Variants in THRB observed in about 807,000 individuals in gnomAD.
THRB encodes the protein nuclear receptor subfamily 1 group A member 2.
THRB carries 12 observed loss-of-function variants against 47.8 expected under a neutral mutation model. The observed-to-expected ratio is 0.25, with a 90% CI of 0.16 to 0.41. THRB has a LOEUF of 0.41. THRB is among the 10% of genes least tolerant of loss of function. The pLI, the probability that THRB is intolerant of heterozygous loss-of-function variation, is 1.00. For missense variants in THRB, 348 were observed against 589.2 expected (o/e 0.59, Z 4.24); for synonymous variants, 218 against 212.2 (o/e 1.03, Z -0.24).
chr3:24,227,680 T>A (rs1468822714), intron 4 of THRB, among the ~76,000 whole-genome samples: 2 of 152,310 alleles, frequency 1.3e-5, no homozygotes, highest in East Asian at 3.9e-4. Context: ...GTGGCAACTT[T>A]CAGTTGCTTC....
At chr3:24,331,685 G>A (rs939339382) in intron 2 of THRB, among the ~76,000 whole-genome samples, 4 of 151,796 alleles carry the variant, frequency 2.6e-5, no homozygotes, top group Non-Finnish European at 1.5e-5. Flanking sequence ...TGTATGGTGT[G>A]TGTGTGTGTG....
In THRB at chr3:24,122,795, C is replaced by T; in HGVS notation, c.*89G>A. The T allele has an allele frequency of 6.3e-7, 1 of 1,588,928 alleles. No homozygotes were observed. Among genetic ancestry groups the T allele is most frequent in the Non-Finnish European group, 8.6e-7 (1 of 1,158,194 alleles). ...TTCCCTCCCAAATAATCCCTCCCAA[C>T]ACAAAGAAACAAACAAAAAAGAGCT... On this transcript the variant is annotated 3_prime_UTR_variant, in exon 11 of 11. Coordinates refer to ENST00000646209, the MANE Select transcript of THRB (RefSeq NM_001354712.2).
chr3:24,327,687 G>A (rs947963239), intron 2 of THRB, among the ~76,000 whole-genome samples: 6 of 152,178 alleles, frequency 3.9e-5, no homozygotes, highest in Non-Finnish European at 8.8e-5. Context: ...TATGTGAAAA[G>A]GTGAAAGATG....
intron 1 of THRB, among the ~76,000 whole-genome samples, chr3:24,352,771 A>G (rs1274633782): frequency 6.6e-6 from 1 of 152,172 alleles, no homozygotes; most frequent in Non-Finnish European, 1.5e-5. Context: ...TCCATAGAAA[A>G]AGACTTGGAA....
At chr3:24,403,681 C>T (rs753923827) in intron 1 of THRB, among the ~76,000 whole-genome samples, 1 of 151,890 alleles carries the variant, frequency 6.6e-6, no homozygotes, top group Non-Finnish European at 1.5e-5. Context: ...TAAAAATGTC[C>T]TTGATTAAAC....
chr3:24,465,047 C>A (rs1414829957), intron 1 of THRB, among the ~76,000 whole-genome samples: 2 of 151,632 alleles, frequency 1.3e-5, no homozygotes, highest in Non-Finnish European at 2.9e-5. Flanking sequence ...TTTTTTCCTG[C>A]AACCTACACC....
intron 1 of THRB, among the ~76,000 whole-genome samples, chr3:24,416,072 A>G (rs2068707747): frequency 6.6e-6 from 1 of 151,906 alleles, no homozygotes; most frequent in Non-Finnish European, 1.5e-5. Flanking sequence ...TATATTCAAG[A>G]GTGCAATTGT....
chr3:24,441,671 G>A (rs527528032), intron 1 of THRB, among the ~76,000 whole-genome samples: 3 of 151,532 alleles, frequency 2.0e-5, no homozygotes, highest in East Asian at 2.0e-4. Flanking sequence ...TACCCATCCC[G>A]CTTGCCTACA....
chr3:24,281,516 A>G (rs947094196), intron 3 of THRB, among the ~76,000 whole-genome samples: 1 of 151,924 alleles, frequency 6.6e-6, no homozygotes, highest in Non-Finnish European at 1.5e-5. Context: ...CTAGGAGGAA[A>G]CCGCATCAAC....
intron 10 of THRB, among the ~76,000 whole-genome samples, chr3:24,126,701 T>C (rs1398259375): frequency 6.6e-6 from 1 of 152,208 alleles, no homozygotes; most frequent in Non-Finnish European, 1.5e-5. Flanking sequence ...CTATTTAAAA[T>C]TATCTTCCCT....
At chr3:24,238,611 G>C (rs564589653) in intron 3 of THRB, among the ~76,000 whole-genome samples, 6 of 152,226 alleles carry the variant, frequency 3.9e-5, no homozygotes, top group African/African-American at 1.4e-4. Flanking sequence ...CCCCTTGATA[G>C]TATCATCTGA....
intron 4 of THRB, among the ~76,000 whole-genome samples, chr3:24,228,632 CAAAGAAAA>C (rs2047929096): frequency 1.7e-5 from 1 of 59,196 alleles, no homozygotes; most frequent in Non-Finnish European, 3.3e-5. Context: ...GACCATGTCT[CAAAGAAAA>C]AAAAAAAAAA....
chr3:24,475,852 T>C (rs1274315898), intron 1 of THRB, among the ~76,000 whole-genome samples: 4 of 152,212 alleles, frequency 2.6e-5, no homozygotes, highest in African/African-American at 9.6e-5. Flanking sequence ...AAAGAAAACA[T>C]GTTTACAGTT....
intron 1 of THRB, among the ~76,000 whole-genome samples, chr3:24,493,101 T>C (rs1319467619): frequency 6.6e-6 from 1 of 152,182 alleles, no homozygotes; most frequent in African/African-American, 2.4e-5. Context: ...ACTGGATTTC[T>C]GTTTGACTCA....
At chr3:24,248,514 T>C (rs1464985582) in intron 3 of THRB, among the ~76,000 whole-genome samples, 4 of 152,160 alleles carry the variant, frequency 2.6e-5, no homozygotes, top group Admixed American at 6.5e-5. Context: ...GCCCCTCAGC[T>C]CCAGATCCAC....
At chr3:24,215,625 G>A (rs2046480614) in intron 4 of THRB, among the ~76,000 whole-genome samples, 1 of 152,168 alleles carries the variant, frequency 6.6e-6, no homozygotes, top group African/African-American at 2.4e-5. Context: ...TTAGGCATTT[G>A]TATAGCCCTT....
intron 5 of THRB, among the ~76,000 whole-genome samples, chr3:24,180,208 A>G (rs1470011008): frequency 6.6e-6 from 1 of 152,218 alleles, no homozygotes; most frequent in Non-Finnish European, 1.5e-5. Context: ...AGCTGAATAC[A>G]TATCTTTTCA....
chr3:24,463,776 C>A (rs911800317), intron 1 of THRB, among the ~76,000 whole-genome samples: 1 of 152,184 alleles, frequency 6.6e-6, no homozygotes, highest in African/African-American at 2.4e-5. Context: ...GACTTGAGAG[C>A]AGTCTGTCAG....
chr3:24,436,657 T>C (rs1015155124), intron 1 of THRB, among the ~76,000 whole-genome samples: 3 of 152,192 alleles, frequency 2.0e-5, no homozygotes, highest in Non-Finnish European at 4.4e-5. Context: ...TGCACTGCCC[T>C]TGAACATAGA....
Sources: allele counts gnomAD v4.1 joint callset (sites outside exome capture counted in the v4.1 genomes callset), GRCh38; gene constraint gnomAD v4.1.1; transcripts MANE v1.5; gene names NCBI Gene and HGNC (gene_info 2026-07-23, HGNC 2026-07-21).